The following SLCO1B3 variants were observed in gnomAD, a reference collection of about 807,000 sequenced individuals.
The protein encoded by SLCO1B3 is solute carrier organic anion transporter family member 1B3, also known as liver-specific organic anion transporter 2.
A neutral mutation model predicts 71.8 loss-of-function variants in SLCO1B3; 72 were observed. The observed-to-expected ratio is 1.00, with a 90% CI of 0.83 to 1.22. SLCO1B3 has a LOEUF of 1.22. Ranked by LOEUF, SLCO1B3 falls within the 50% of genes most tolerant of loss-of-function variation. The pLI, the probability that SLCO1B3 is intolerant of heterozygous loss-of-function variation, is 0.00. For synonymous variants in SLCO1B3, 298 were observed against 278.4 expected, an observed-to-expected ratio of 1.07 and a Z score of -0.70; for missense variants, 911 against 819.7, an observed-to-expected ratio of 1.11 and a Z score of -1.36.
intron 8 of SLCO1B3, among the ~76,000 whole-genome samples, chr12:20,864,906 AGTT>A (rs1276868242): frequency 3.3e-5 from 5 of 152,226 alleles, no homozygotes; most frequent in Admixed American, 6.5e-5. Flanking sequence ...GAATGGGGAG[AGTT>A]GTTGTTGGTG....
chr12:20,883,494 CAA>C lies in SLCO1B3; in HGVS notation c.1575_1576del (p.Asp527Ter). 1 of 1,603,016 alleles carries C rather than the reference CAA, an allele frequency of 6.2e-7. No individual in the cohort carries two copies. The highest frequency in any genetic ancestry group is 8.5e-7 in the Non-Finnish European group (1 of 1,174,362). ...TACTCAGCACACTTGGGTGAATGCCCAAGAGATAATACTTGTACAAGGAAATT... is the reference window on the plus strand; with the variant it reads ...TACTCAGCACACTTGGGTGAATGCCCGAGATAATACTTGTACAAGGAAATT... On this transcript the variant is annotated frameshift_variant, in exon 13 of 16. Transcript: ENST00000381545. LOFTEE classifies it high-confidence loss of function.
intron 13 of SLCO1B3, among the ~76,000 whole-genome samples, chr12:20,886,947 A>T (rs1865802479): frequency 6.6e-6 from 1 of 152,002 alleles, no homozygotes; most frequent in South Asian, 2.1e-4. Flanking sequence ...TTTAGCTCCC[A>T]CATCAAAGTA....
At chr12:20,831,524 A>G (rs1413739044) in intron 3 of SLCO1B3, among the ~76,000 whole-genome samples, 3 of 152,316 alleles carry the variant, frequency 2.0e-5, no homozygotes, top group East Asian at 3.9e-4. Flanking sequence ...CAATCGCATT[A>G]CAACAATTTT....
At chr12:20,908,633 T>C (rs931316462) in intron 15 of SLCO1B3, among the ~76,000 whole-genome samples, 4 of 152,356 alleles carry the variant, frequency 2.6e-5, no homozygotes, top group African/African-American at 9.6e-5. Context: ...GTTGGAATTA[T>C]ACATTTTGTA....
At chr12:20,815,606 T>A in intron 2 of SLCO1B3, 68 bp from the exon 3 acceptor site, 1 of 609,876 alleles carries the variant, frequency 1.6e-6, no homozygotes, top group Non-Finnish European at 2.9e-6. Flanking sequence ...ATTGAGCTTG[T>A]GGCTTTTCCT....
chr12:20,894,219 A>C lies in SLCO1B3; in HGVS notation c.1683-4217A>C, dbSNP rs116345396. ...TGCCTTTTGTGATGAATTCATCCTG[A>C]GAGAGGTGCCAGCTGCTCAATATCA... On this transcript the variant is annotated intron_variant, in intron 13 of 15. Coordinates refer to ENST00000381545, the MANE Select transcript of SLCO1B3 (RefSeq NM_019844.4). Among the ~76,000 whole-genome samples, 296 of 152,318 alleles carry C rather than the reference A, an allele frequency of 1.9e-3. 1 individual carries two copies. The highest frequency in any genetic ancestry group is 7.0e-3 in the African/African-American group (292 of 41,580).
At chr12:20,865,493 A>G (rs540115512) in intron 8 of SLCO1B3, among the ~76,000 whole-genome samples, 350 of 151,952 alleles carry the variant, frequency 2.3e-3, no homozygotes, top group African/African-American at 7.9e-3. Flanking sequence ...TATTATTTTT[A>G]TTTTACTGAG....
chr12:20,862,649 A>C (rs1591767708), intron 7 of SLCO1B3, 91 bp downstream of exon 7: 1 of 1,458,484 alleles, frequency 6.9e-7, no homozygotes, highest in Non-Finnish European at 9.3e-7. Context: ...TTTACCTATT[A>C]GAAAAATATT....
intron 3 of SLCO1B3, among the ~76,000 whole-genome samples, chr12:20,821,895 T>C (rs1454417816): frequency 1.3e-5 from 2 of 152,166 alleles, no homozygotes; most frequent in Non-Finnish European, 1.5e-5. Flanking sequence ...GGATAAAACA[T>C]GTCTCCTTTG....
intron 5 of SLCO1B3, among the ~76,000 whole-genome samples, chr12:20,860,078 C>G (rs1026136717): frequency 1.2e-4 from 18 of 151,712 alleles, no homozygotes; most frequent in African/African-American, 4.1e-4. Flanking sequence ...GCCTCAGCCT[C>G]CCGAGTAGCT....
chr12:20,826,689 A>G (rs1463452422), intron 3 of SLCO1B3, among the ~76,000 whole-genome samples: 2 of 151,600 alleles, frequency 1.3e-5, no homozygotes, highest in Admixed American at 6.6e-5. Flanking sequence ...TAGAAAAAAA[A>G]AATTAATCAC....
In SLCO1B3 at chr12:20,883,700, T is replaced by C. The variant is rs79836118; in HGVS notation, c.1682+98T>C. ...GTATTTTGAGCTCAAATTCATATTT[T>C]GTCAATTTTTAATTCTTTGAGAATG... On this transcript the variant is annotated intron_variant, in intron 13 of 15. Coordinates refer to ENST00000381545, the MANE Select transcript of SLCO1B3 (RefSeq NM_019844.4). The C allele has an allele frequency of 8.0e-3, 6,177 of 774,000 alleles. 43 individuals carry two copies. Among genetic ancestry groups the C allele is most frequent in the Non-Finnish European group, 0.01 (5,000 of 492,602 alleles). The allele number at this position is 774,000 out of a possible 1,614,324, so 47.9% of individuals were successfully genotyped here.
At chr12:20,839,897 A>G (rs891691390) in intron 3 of SLCO1B3, among the ~76,000 whole-genome samples, 4 of 152,210 alleles carry the variant, frequency 2.6e-5, no homozygotes, top group Admixed American at 6.5e-5. Context: ...TAATTGGTAT[A>G]TTCTGAAGCT....
chr12:20,846,396 A>G (rs1864921046), intron 3 of SLCO1B3, among the ~76,000 whole-genome samples: 1 of 152,178 alleles, frequency 6.6e-6, no homozygotes, highest in African/African-American at 2.4e-5. Context: ...TTTGTTTTAT[A>G]AGGTATTTAA....
At chr12:20,811,588 A>G (rs1864111305) in intron 1 of SLCO1B3, among the ~76,000 whole-genome samples, 2 of 152,316 alleles carry the variant, frequency 1.3e-5, no homozygotes, top group Admixed American at 1.3e-4. Context: ...ATGAAAAGCT[A>G]AACAGAAATA....
chr12:20,817,822 C>A (rs369650855), intron 3 of SLCO1B3, among the ~76,000 whole-genome samples: 127 of 152,098 alleles, frequency 8.3e-4, no homozygotes, highest in African/African-American at 3.0e-3. Context: ...GATCTCCTGA[C>A]CTCGTGATCC....
chr12:20,911,522 T>C (rs1866375082), intron 15 of SLCO1B3, among the ~76,000 whole-genome samples: 1 of 152,162 alleles, frequency 6.6e-6, no homozygotes, highest in African/African-American at 2.4e-5. Flanking sequence ...TGGTATAAAT[T>C]CTTACTTAAG....
At chr12:20,842,717 C>T (rs1864829328) in intron 3 of SLCO1B3, among the ~76,000 whole-genome samples, 1 of 152,096 alleles carries the variant, frequency 6.6e-6, no homozygotes, top group East Asian at 1.9e-4. Context: ...CCAATTTACT[C>T]CCTTCCCTGT....
chr12:20,856,420 A>C (rs945628997), intron 4 of SLCO1B3, among the ~76,000 whole-genome samples: 4 of 152,208 alleles, frequency 2.6e-5, no homozygotes, highest in Non-Finnish European at 4.4e-5. Flanking sequence ...ATTAATAAAA[A>C]TGATGCGAAT....
Sources: gnomAD v4.1 joint callset for allele counts (sites outside exome capture counted in the v4.1 genomes callset) on GRCh38, gnomAD v4.1.1 for gene constraint, MANE v1.5 for transcripts, NCBI Gene and HGNC (gene_info 2026-07-23, HGNC 2026-07-21) for gene names.